AMDHD2: variants seen among roughly 807,000 people sequenced by gnomAD.
AMDHD2 encodes amidohydrolase domain containing 2, also known as N-acetylglucosamine-6-phosphate deacetylase.
AMDHD2 carries 24 observed loss-of-function variants against 41.8 expected under a neutral mutation model. The ratio of observed to expected loss-of-function variants is 0.57; its 90% CI spans 0.42 to 0.81. The LOEUF is 0.81. AMDHD2 is among the 30% of genes least tolerant of loss of function. The pLI is 0.00. For synonymous variants in AMDHD2, 332 were observed against 255.5 expected (o/e 1.30, Z -2.85); for missense variants, 540 against 588.5 (o/e 0.92, Z 0.85).
intron 3 of AMDHD2, among the ~76,000 whole-genome samples, chr16:2,525,928 C>G (rs1267545984): frequency 6.6e-6 from 1 of 152,222 alleles, no homozygotes; most frequent in Non-Finnish European, 1.5e-5. Flanking sequence ...ATCTGCTCGC[C>G]TTGGCCTCCC....
At chr16:2,525,879 A>G (rs572313274) in intron 3 of AMDHD2, among the ~76,000 whole-genome samples, 2 of 152,200 alleles carry the variant, frequency 1.3e-5, no homozygotes, top group South Asian at 2.1e-4. Context: ...GGGTTTCTCC[A>G]TGTTGGTAAG....
Position 2,528,054 on chromosome 16 carries a change from C to T in AMDHD2, c.629-6C>T. ...CAGGTGCAAAGTCTGAATCCAGGTC[C>T]CGCAGGGCACTCAGTGGCTGACCTG... On this transcript the variant is annotated splice_polypyrimidine_tract_variant and splice_region_variant and intron_variant, in intron 5 of 10. Transcript: ENST00000293971. 2 of 1,612,734 alleles carry T rather than the reference C, an allele frequency of 1.2e-6. No individual in the cohort carries two copies. The highest frequency in any genetic ancestry group is 2.2e-5 in the East Asian group (1 of 44,872).
rs2066050499 is a variant in AMDHD2, at chr16:2,529,174, G to T, written c.1141+79G>T. On this transcript the variant is annotated intron_variant, in intron 10 of 10. Transcript: ENST00000293971. ...TTGTTCCTGGGGCGGCCTGGACAGG[G>T]CCAGGGAGGGTGGGTCCTCCCTAGC... 3 of 1,367,580 alleles carry T rather than the reference G, an allele frequency of 2.2e-6. No homozygotes were observed. The African/African-American group carries it at 4.4e-5, about 20-fold the overall frequency. 84.7% of individuals were successfully genotyped at this position (1,367,580 alleles called of 1,614,324 possible). A position where few individuals can be genotyped will look rare whatever the true frequency, so the allele number is the denominator to read the frequency against.
At chr16:2,523,583 C>G (rs1223647333) in intron 3 of AMDHD2, among the ~76,000 whole-genome samples, 2 of 152,150 alleles carry the variant, frequency 1.3e-5, no homozygotes, top group African/African-American at 4.8e-5. Flanking sequence ...GTGTTCACCA[C>G]TCAGTATTAG....
rs1027843100 is a variant in AMDHD2, at chr16:2,529,233, C to G, written c.1141+138C>G. ...CTCAGGTGGGCTGCCGGCTGCCAGC[C>G]TCAGTTGTAGCCCCGTGTTGCCATC... On this transcript the variant is annotated intron_variant, in intron 10 of 10. Coordinates refer to ENST00000293971, the MANE Select transcript of AMDHD2 (RefSeq NM_001330449.2). 3 of 1,077,398 alleles carry G rather than the reference C, an allele frequency of 2.8e-6. No individual in the cohort carries two copies. The African/African-American group carries it at 4.8e-5, about 17-fold the overall frequency. The allele number at this position is 1,077,398 out of a possible 1,614,324, so 66.7% of individuals were successfully genotyped here.
chr16:2,530,772 G>A lies in AMDHD2; in HGVS notation c.*1209G>A, dbSNP rs1200627704. The A allele has an allele frequency of 6.2e-6, 10 of 1,613,698 alleles. No homozygotes were observed. Among genetic ancestry groups the A allele is most frequent in the Non-Finnish European group, 8.5e-6 (10 of 1,179,956 alleles). On this transcript the variant is annotated 3_prime_UTR_variant, in exon 11 of 11. Coordinates refer to ENST00000293971, the MANE Select transcript of AMDHD2 (RefSeq NM_001330449.2). ...GGGCCTCGCCTGAGGGAGGGCCTGG[G>A]GCAGGGCACAAGGGGTTGATCTCAG... is the stretch of plus-strand genomic sequence containing the variant.
Position 2,531,193 on chromosome 16 carries a change from C to A in AMDHD2, c.*1630C>A. On this transcript the variant is annotated 3_prime_UTR_variant, in exon 11 of 11. Coordinates refer to ENST00000293971, the MANE Select transcript of AMDHD2 (RefSeq NM_001330449.2). ...CTGGCCTGCCCCATTCACCGGCCAG[C>A]GCCCCACCTCCCTGGCTGGAGGGTC... 1 of 1,301,448 alleles carries A rather than the reference C, an allele frequency of 7.7e-7. No individual in the cohort carries two copies. The allele number at this position is 1,301,448 out of a possible 1,614,324, so 80.6% of individuals were successfully genotyped here.
Position 2,531,190 on chromosome 16 carries a change from C to T in AMDHD2, c.*1627C>T. 7.5e-7 allele frequency: 1 copy of T among 1,332,376 alleles called. No homozygotes were observed. The highest frequency in any genetic ancestry group is 1.0e-6 in the Non-Finnish European group (1 of 983,110). 82.5% of individuals were successfully genotyped at this position (1,332,376 alleles called of 1,614,324 possible). A position where few individuals can be genotyped will look rare whatever the true frequency, so the allele number is the denominator to read the frequency against. ...GGCCTGGCCTGCCCCATTCACCGGC[C>T]AGCGCCCCACCTCCCTGGCTGGAGG... On this transcript the variant is annotated 3_prime_UTR_variant, in exon 11 of 11. Coordinates refer to ENST00000293971, the MANE Select transcript of AMDHD2 (RefSeq NM_001330449.2).
intron 3 of AMDHD2, among the ~76,000 whole-genome samples, chr16:2,525,704 A>C (rs368891575): frequency 1.2e-4 from 19 of 152,008 alleles, no homozygotes; most frequent in African/African-American, 4.6e-4. Context: ...GCCACCACGC[A>C]CGGCTAATTT....
intron 3 of AMDHD2, among the ~76,000 whole-genome samples, chr16:2,525,518 C>T (rs888429073): frequency 6.6e-6 from 1 of 151,930 alleles, no homozygotes; most frequent in Non-Finnish European, 1.5e-5. Flanking sequence ...AGGCGTGTGC[C>T]ACTATGCCTG....
At position 2,527,349 on chromosome 16, in the gene AMDHD2, A is replaced by G. The variant is rs1299710744; in HGVS notation, c.361-212A>G. ...GCCCACATGGCCAGGGACCGCTGGC[A>G]TCCCACACACCTATCATTTCTTCCT... is the stretch of plus-strand genomic sequence containing the variant. On this transcript the variant is annotated intron_variant, in intron 3 of 10. Coordinates refer to ENST00000293971, the MANE Select transcript of AMDHD2 (RefSeq NM_001330449.2). This position sits in a 1 kb window ranked among gnomAD's most constrained non-coding sequence, Gnocchi z 6.1. 6.6e-6 allele frequency among the ~76,000 whole-genome samples: 1 copy of G among 152,122 alleles called. No homozygotes were observed. The highest frequency in any genetic ancestry group is 2.4e-5 in the African/African-American group (1 of 41,430).
In AMDHD2 at chr16:2,528,224, G is replaced by A. The variant is rs1018779034; in HGVS notation, c.718-12G>A. 44 of 1,611,548 alleles carry A rather than the reference G, an allele frequency of 2.7e-5. No homozygotes were observed. Among genetic ancestry groups the A allele is most frequent in the African/African-American group, 6.7e-5 (5 of 74,878 alleles). On this transcript the variant is annotated splice_polypyrimidine_tract_variant and intron_variant, in intron 6 of 10. Coordinates refer to ENST00000293971, the MANE Select transcript of AMDHD2 (RefSeq NM_001330449.2). The stretch of plus-strand genomic sequence containing the variant: ...CTGTCGCTCAGCCATCCCTTCCCTC[G>A]CCCCTGCCCAGTTCCACCACCGCGA...
At chr16:2,525,384 G>A in intron 3 of AMDHD2, among the ~76,000 whole-genome samples, 1 of 67,578 alleles carries the variant, frequency 1.5e-5, no homozygotes, top group Admixed American at 1.7e-4. Flanking sequence ...TTTTTTTTTT[G>A]AGATGGAGTT....
Position 2,529,771 on chromosome 16 carries a change from C to T in AMDHD2, c.*208C>T, listed in dbSNP as rs2066060749. 8.4e-6 allele frequency: 12 copies of T among 1,435,182 alleles called. No individual in the cohort carries two copies. The highest frequency in any genetic ancestry group is 1.0e-5 in the Non-Finnish European group (11 of 1,097,640). 88.9% of individuals were successfully genotyped at this position (1,435,182 alleles called of 1,614,324 possible). A position where few individuals can be genotyped will look rare whatever the true frequency, so the allele number is the denominator to read the frequency against. ...GGGTTTTGCTTGTGCTCACATGTGG[C>T]ACCATCCTTGGTTGCCCTCCTGGAG... On this transcript the variant is annotated 3_prime_UTR_variant, in exon 11 of 11. Transcript: ENST00000293971.
chr16:2,528,451 G>T lies in AMDHD2; in HGVS notation c.863-1G>T. ...CAGGTTCTGAGCCTCTTCTCCCCCA[G>T]GGCTGGTGCTGGTCACCGATGCCAT... On this transcript the variant is annotated splice_acceptor_variant, in intron 7 of 10. Coordinates refer to ENST00000293971, the MANE Select transcript of AMDHD2 (RefSeq NM_001330449.2). LOFTEE classifies it high-confidence loss of function. 6.2e-7 allele frequency: 1 copy of T among 1,612,858 alleles called. No individual in the cohort carries two copies. Among genetic ancestry groups the T allele is most frequent in the South Asian group, 1.1e-5 (1 of 91,084 alleles).
intron 3 of AMDHD2, among the ~76,000 whole-genome samples, chr16:2,525,481 C>T (rs1346417629): frequency 2.0e-5 from 3 of 151,888 alleles, no homozygotes; most frequent in Non-Finnish European, 2.9e-5. Flanking sequence ...ATTCTCCTAC[C>T]TCAGCCTCCT....
intron 6 of AMDHD2, 35 bp downstream of exon 6, chr16:2,528,183 G>A (rs764990929): frequency 1.9e-6 from 3 of 1,612,334 alleles, no homozygotes; most frequent in South Asian, 1.1e-5. Flanking sequence ...CGGGGCTGGG[G>A]TCCCAGCAGC....
chr16:2,522,922 C>T (rs929192787), intron 3 of AMDHD2, among the ~76,000 whole-genome samples: 12 of 150,424 alleles, frequency 8.0e-5, no homozygotes, highest in Admixed American at 1.3e-4. Flanking sequence ...CGGCTCACTA[C>T]AACCTCCGCC....
chr16:2,521,170 C>T, intron 3 of AMDHD2, 47 bp downstream of exon 3: 2 of 1,501,700 alleles, frequency 1.3e-6, no homozygotes, highest in South Asian at 1.3e-5. Context: ...CCCGGAGCAA[C>T]CAGCGCCCTC....
Sources: gnomAD v4.1 joint callset for allele counts (sites outside exome capture counted in the v4.1 genomes callset) on GRCh38, gnomAD v4.1.1 for gene constraint, Gnocchi (gnomAD v3.1) non-coding constraint, MANE v1.5 for transcripts, NCBI Gene and HGNC (gene_info 2026-07-23, HGNC 2026-07-21) for gene names.